KDM5B: variants seen among roughly 807,000 people sequenced by gnomAD.
KDM5B encodes lysine-specific demethylase 5B.
Under a neutral mutation model 193.4 loss-of-function variants are expected in KDM5B, and 144 were observed. The ratio of observed to expected loss-of-function variants is 0.74; its 90% CI spans 0.65 to 0.86. The LOEUF is 0.86. Ranked by LOEUF, KDM5B falls within the 40% of genes least tolerant of loss-of-function variation. The probability of loss-of-function intolerance (pLI) is 0.00; values close to 1 mark genes in which losing one functional copy is unlikely to be tolerated. For synonymous variants in KDM5B, 668 were observed against 682.6 expected, an observed-to-expected ratio of 0.98 and a Z score of 0.33; for missense variants, 1,833 against 1,886.9, an observed-to-expected ratio of 0.97 and a Z score of 0.53.
chr1:202,730,041 AG>A lies in KDM5B; in HGVS notation c.4177-15del. 1 of 1,589,006 alleles carries A rather than the reference AG, an allele frequency of 6.3e-7. No individual in the cohort carries two copies. The highest frequency in any genetic ancestry group is 8.6e-7 in the Non-Finnish European group (1 of 1,168,960). ...GCAACAGTCATTCTGGGTGGAAGAT[AG>A]GAAAGTTCAATTTTCGCCTATGGGT... On this transcript the variant is annotated splice_polypyrimidine_tract_variant and intron_variant, in intron 25 of 26. Coordinates refer to ENST00000367265, the MANE Select transcript of KDM5B (RefSeq NM_006618.5).
intron 9 of KDM5B, among the ~76,000 whole-genome samples, chr1:202,758,165 A>T (rs1300031696): frequency 6.6e-6 from 1 of 152,230 alleles, no homozygotes; most frequent in Non-Finnish European, 1.5e-5. Flanking sequence ...GGTGCTGTAT[A>T]ATCTGTGTGG....
At chr1:202,770,684 G>A (rs1183560141) in intron 4 of KDM5B, among the ~76,000 whole-genome samples, 1 of 152,120 alleles carries the variant, frequency 6.6e-6, no homozygotes, top group Non-Finnish European at 1.5e-5. Flanking sequence ...CATATGATTA[G>A]TAAAAAAACC....
At chr1:202,750,913 ATTATAGTAG>A in intron 12 of KDM5B, 135 bp from the exon 13 acceptor site, 1 of 787,750 alleles carries the variant, frequency 1.3e-6, no homozygotes, top group African/African-American at 1.7e-5. Context: ...AAAACAAATT[ATTATAGTAG>A]AATATCACCT....
rs1192713541 is a variant in KDM5B, at chr1:202,767,081, G to A, written c.577-21C>T. 3 of 1,606,878 alleles carry A rather than the reference G, an allele frequency of 1.9e-6. No individual in the cohort carries two copies. The Admixed American group carries it at 5.2e-5, about 28-fold the overall frequency. On this transcript the variant is annotated intron_variant, in intron 4 of 26. Transcript: ENST00000367265. ...AAACACTAGAAATAACAACTGTACT[G>A]ATAAATTCCCTCCTTTTTTTTTTCA... is the stretch of plus-strand genomic sequence containing the variant.
chr1:202,773,396 CAT>C, intron 3 of KDM5B, 108 bp from the exon 4 acceptor site: 1 of 823,170 alleles, frequency 1.2e-6, no homozygotes, highest in Non-Finnish European at 1.9e-6. Context: ...CTTTTAAAAA[CAT>C]GTTTTGCCAA....
intron 5 of KDM5B, among the ~76,000 whole-genome samples, chr1:202,764,466 C>T (rs1044735057): frequency 2.0e-5 from 3 of 152,038 alleles, no homozygotes; most frequent in Non-Finnish European, 2.9e-5. Context: ...GAAACCCTGT[C>T]TCTACTAAAA....
intron 1 of KDM5B, among the ~76,000 whole-genome samples, chr1:202,788,551 A>G (rs1657507908): frequency 6.7e-6 from 1 of 148,336 alleles, no homozygotes; most frequent in African/African-American, 2.5e-5. Context: ...AATAATAATG[A>G]TCTGTATTGT....
At chr1:202,767,132 T>A in intron 4 of KDM5B, 72 bp from the exon 5 acceptor site, 2 of 1,597,778 alleles carry the variant, frequency 1.3e-6, no homozygotes, top group Non-Finnish European at 1.7e-6. Flanking sequence ...GACAAACATA[T>A]CTAGCATGCC....
In KDM5B at chr1:202,725,716, T is replaced by A. The variant is rs1450472589; in HGVS notation, c.*3320A>T. The stretch of plus-strand genomic sequence containing the variant: ...AGGCTGACACTAGCATGGACTAGTA[T>A]GTAGTTAGTCTGATAATGAATAACC... On this transcript the variant is annotated 3_prime_UTR_variant, in exon 27 of 27. Transcript: ENST00000367265. 1.3e-5 allele frequency: 2 copies of A among 152,248 alleles called. No individual in the cohort carries two copies. The highest frequency in any genetic ancestry group is 6.5e-5 in the Admixed American group (1 of 15,290). 9.4% of individuals were successfully genotyped at this position (152,248 alleles called of 1,614,324 possible).
chr1:202,757,049 GCAA>G (rs1656040949), intron 9 of KDM5B, among the ~76,000 whole-genome samples: 5 of 151,882 alleles, frequency 3.3e-5, no homozygotes, highest in Admixed American at 2.0e-4. Context: ...TTCATGGAAG[GCAA>G]TTTTTCCATG....
At chr1:202,767,457 G>C in intron 4 of KDM5B, 3 of 1,170,232 alleles carry the variant, frequency 2.6e-6, no homozygotes, top group South Asian at 1.2e-5. Context: ...TGCAGAGACC[G>C]AGGAAGGATG....
At chr1:202,766,813 T>G in intron 5 of KDM5B, 113 bp downstream of exon 5, 3 of 1,202,274 alleles carry the variant, frequency 2.5e-6, no homozygotes, top group Non-Finnish European at 3.5e-6. Flanking sequence ...CTTTGTGAGA[T>G]TAACAAGGTT....
intron 26 of KDM5B, 50 bp downstream of exon 26, chr1:202,729,657 G>GT: frequency 6.6e-6 from 10 of 1,516,224 alleles, no homozygotes; most frequent in Non-Finnish European, 8.1e-6. Flanking sequence ...AGCTTACAGG[G>GT]TTTCTGAGTT....
At chr1:202,759,821 T>C (rs1656173177) in intron 8 of KDM5B, among the ~76,000 whole-genome samples, 1 of 152,222 alleles carries the variant, frequency 6.6e-6, no homozygotes, top group Non-Finnish European at 1.5e-5. Flanking sequence ...AGTTGTTCAA[T>C]GTTTTAATAA....
At chr1:202,786,468 G>A (rs1031369920) in intron 1 of KDM5B, among the ~76,000 whole-genome samples, 6 of 152,182 alleles carry the variant, frequency 3.9e-5, no homozygotes, top group Non-Finnish European at 8.8e-5. Context: ...TACTGTAAAA[G>A]TTAACACTGT....
At chr1:202,737,434 T>C (rs1238147794) in intron 20 of KDM5B, among the ~76,000 whole-genome samples, 2 of 152,204 alleles carry the variant, frequency 1.3e-5, no homozygotes, top group African/African-American at 4.8e-5. Context: ...TAGAAAGAGA[T>C]AGCCAAACTA....
At chr1:202,782,312 C>T (rs1158358642) in intron 1 of KDM5B, among the ~76,000 whole-genome samples, 3 of 152,104 alleles carry the variant, frequency 2.0e-5, no homozygotes, top group Non-Finnish European at 4.4e-5. Context: ...CACTATCATA[C>T]GGAACTAAAA....
rs770023796 is a variant in KDM5B, at chr1:202,741,558, A to G, written c.2754T>C (p.Arg918=). Residue 918 remains arginine, a synonymous_variant, in exon 19 of 27, where the codon CGT becomes CGC. Coordinates refer to ENST00000367265, the MANE Select transcript of KDM5B (RefSeq NM_006618.5). The part of the protein sequence containing the change: ...AEMRIRLEQA[R]WLEEVQQACL... ...AAGCTTGCTGCACCTCTTCTAGCCA[A>G]CGGGCTTGTTCCAAACGGATACGCA... The G allele has an allele frequency of 3.1e-6, 5 of 1,614,234 alleles. No homozygotes were observed. The highest frequency in any genetic ancestry group is 4.2e-6 in the Non-Finnish European group (5 of 1,180,034).
Position 202,808,103 on chromosome 1 carries a change from G to T in KDM5B, c.203C>A (p.Pro68Gln). The T allele has an allele frequency of 6.2e-7, 1 of 1,609,952 alleles. No individual in the cohort carries two copies. Among genetic ancestry groups the T allele is most frequent in the Admixed American group, 1.7e-5 (1 of 59,808 alleles). ...QTGICKVRPP[P>Q]DWQPPFACDV... is the part of the protein sequence containing the mutation. ...ATCCGGGGTGCTGGCGTGACTCACC[G>T]GCGGCGGCCGCACCTTACAGATGCC... Residue 68 changes from proline (P) to glutamine (Q), a missense_variant and splice_region_variant, in exon 1 of 27, where the codon CCG becomes CAG. Around this residue, in one of 3 missense-constraint regions of KDM5B, gnomAD observed 355 missense variants for 374.9 expected, o/e 0.95. Transcript: ENST00000367265.
Sources: gnomAD v4.1 joint callset for allele counts (sites outside exome capture counted in the v4.1 genomes callset) on GRCh38, gnomAD v4.1.1 for gene constraint, gnomAD v4.1.1 regional missense constraint, MANE v1.5 for transcripts, NCBI Gene and HGNC (gene_info 2026-07-23, HGNC 2026-07-21) for gene names.